Variants in FHIP1A observed in about 807,000 individuals in gnomAD.
The protein encoded by FHIP1A is FHF complex subunit HOOK interacting protein 1A.
In FHIP1A, 61 loss-of-function variants were observed where a neutral mutation model predicts 88.6. The ratio of observed to expected loss-of-function variants is 0.69; its 90% confidence interval spans 0.56 to 0.85. FHIP1A has a LOEUF of 0.85. Ranked by LOEUF, FHIP1A falls within the 40% of genes least tolerant of loss-of-function variation. The probability of loss-of-function intolerance (pLI) is 0.00; values close to 1 mark genes in which losing one functional copy is unlikely to be tolerated. For synonymous variants in FHIP1A, 478 were observed against 496.0 expected (o/e 0.96, Z 0.48); for missense variants, 1,154 against 1,273.5 (o/e 0.91, Z 1.43).
chr4:151,436,085 C>T (rs1240230932), intron 1 of FHIP1A, among the ~76,000 whole-genome samples: 1 of 152,102 alleles, frequency 6.6e-6, no homozygotes, highest in Non-Finnish European at 1.5e-5. Context: ...AGAAATGCAG[C>T]TATCTTAAAT....
chr4:151,525,272 C>T (rs1731587832), intron 3 of FHIP1A, among the ~76,000 whole-genome samples: 1 of 152,198 alleles, frequency 6.6e-6, no homozygotes, highest in South Asian at 2.1e-4. Context: ...ACTAAACTGG[C>T]TTTCACTCCA....
chr4:151,638,296 A>T (rs2126890156), intron 8 of FHIP1A, among the ~76,000 whole-genome samples: 1 of 142,128 alleles, frequency 7.0e-6, no homozygotes, highest in East Asian at 2.1e-4. Context: ...TCAGGAAAAC[A>T]AATTACCTAA....
At chr4:151,640,211 G>T (rs925895166) in intron 9 of FHIP1A, among the ~76,000 whole-genome samples, 2 of 152,216 alleles carry the variant, frequency 1.3e-5, no homozygotes, top group Admixed American at 1.3e-4. Context: ...GAGTGATGCC[G>T]TGCAGGCATA....
chr4:151,463,322 G>A (rs1729202085), intron 2 of FHIP1A, among the ~76,000 whole-genome samples: 2 of 152,160 alleles, frequency 1.3e-5, no homozygotes, highest in Non-Finnish European at 2.9e-5. Flanking sequence ...GCATTGGGGA[G>A]GGATGGTTGA....
intron 2 of FHIP1A, among the ~76,000 whole-genome samples, chr4:151,464,753 G>C (rs185297910): frequency 1.1e-3 from 170 of 152,314 alleles, no homozygotes; most frequent in African/African-American, 3.9e-3. Context: ...GAGTGACAGA[G>C]TGGTACTCAC....
chr4:151,421,067 T>A (rs917476685), intron 1 of FHIP1A, among the ~76,000 whole-genome samples: 3 of 152,254 alleles, frequency 2.0e-5, no homozygotes, highest in Admixed American at 1.3e-4. Context: ...TTTGCAACGA[T>A]TTTTGCTGTC....
intron 7 of FHIP1A, among the ~76,000 whole-genome samples, chr4:151,626,380 T>A (rs936858130): frequency 2.6e-5 from 4 of 152,172 alleles, no homozygotes; most frequent in Admixed American, 1.3e-4. Flanking sequence ...AAAGATTTAT[T>A]TCCAAGGATG....
At chr4:151,650,616 G>A in intron 11 of FHIP1A, 24 bp downstream of exon 11, 2 of 1,527,106 alleles carry the variant, frequency 1.3e-6, no homozygotes, top group Non-Finnish European at 1.8e-6. Flanking sequence ...ATTGCTTTGT[G>A]GTTTCTGCTT....
intron 11 of FHIP1A, among the ~76,000 whole-genome samples, chr4:151,654,993 A>G (rs1164875518): frequency 3.3e-5 from 5 of 152,128 alleles, no homozygotes; most frequent in Non-Finnish European, 7.3e-5. Context: ...CTGTGTGGTA[A>G]AGGTTTCGGT....
At chr4:151,652,970 G>A (rs920422467) in intron 11 of FHIP1A, among the ~76,000 whole-genome samples, 1 of 152,198 alleles carries the variant, frequency 6.6e-6, no homozygotes, top group Non-Finnish European at 1.5e-5. Context: ...ATCTGAAAAG[G>A]CCAGCTTTGG....
At chr4:151,431,321 T>C (rs984224146) in intron 1 of FHIP1A, among the ~76,000 whole-genome samples, 2 of 152,116 alleles carry the variant, frequency 1.3e-5, no homozygotes, top group Non-Finnish European at 2.9e-5. Flanking sequence ...CCAAATGCAA[T>C]TGTCCCCCAG....
Position 151,586,776 on chromosome 4 carries a change from G to C in FHIP1A, c.868G>C (p.Glu290Gln). ...TCTTGTCCAGTTCATGAACTCCCTG[G>C]AGTTTTGCAATGCAGTCATACAGGT... ...PSLVQFMNSLEFCNAVIQVAH... is the reference protein window; with the variant it reads ...PSLVQFMNSLQFCNAVIQVAH... The change falls in exon 6 of 14, where the codon GAG (glutamate) becomes CAG (glutamine). Residue 290 changes from glutamate to glutamine, a missense_variant. Coordinates refer to ENST00000435205, the MANE Select transcript of FHIP1A (RefSeq NM_001109977.3). The C allele has an allele frequency of 6.4e-7, 1 of 1,550,592 alleles. No homozygotes were observed. The highest frequency in any genetic ancestry group is 2.4e-5 in the East Asian group (1 of 40,908).
At chr4:151,566,664 C>T (rs1259987819) in intron 4 of FHIP1A, among the ~76,000 whole-genome samples, 1 of 152,046 alleles carries the variant, frequency 6.6e-6, no homozygotes, top group Non-Finnish European at 1.5e-5. Context: ...ATATACTTGA[C>T]CATAATTATA....
chr4:151,617,301 T>C (rs553366678), intron 7 of FHIP1A, among the ~76,000 whole-genome samples: 4 of 150,950 alleles, frequency 2.6e-5, no homozygotes, highest in Admixed American at 6.6e-5. Context: ...TTGGAAGTAG[T>C]AATTCATACT....
At chr4:151,531,043 G>A (rs1731860350) in intron 3 of FHIP1A, among the ~76,000 whole-genome samples, 1 of 151,996 alleles carries the variant, frequency 6.6e-6, no homozygotes, top group African/African-American at 2.4e-5. Flanking sequence ...TGGTCTTTTT[G>A]TTTATATTCT....
At chr4:151,643,651 C>T (rs1736679896) in intron 9 of FHIP1A, among the ~76,000 whole-genome samples, 1 of 152,170 alleles carries the variant, frequency 6.6e-6, no homozygotes, top group Admixed American at 6.5e-5. Flanking sequence ...ATGAGATTCA[C>T]TTTTGTAGCT....
Position 151,586,798 on chromosome 4 carries a change from A to G in FHIP1A, c.890A>G (p.Gln297Arg). The G allele has an allele frequency of 6.5e-7, 1 of 1,545,560 alleles. No homozygotes were observed. The highest frequency in any genetic ancestry group is 8.8e-7 in the Non-Finnish European group (1 of 1,142,080). The change falls in exon 6 of 14, where the codon CAG becomes CGG. Residue 297 changes from glutamine (Q) to arginine (R), a missense_variant and splice_region_variant. Coordinates refer to ENST00000435205, the MANE Select transcript of FHIP1A (RefSeq NM_001109977.3). ...NSLEFCNAVI[Q>R]VAHPLIRNQL... The stretch of plus-strand genomic sequence containing the variant: ...CTGGAGTTTTGCAATGCAGTCATAC[A>G]GGTACCAGAGCACAATAAAGGATCC...
chr4:151,501,816 T>A (rs1013693110), intron 3 of FHIP1A, among the ~76,000 whole-genome samples: 41 of 150,240 alleles, frequency 2.7e-4, no homozygotes, highest in South Asian at 6.3e-4. Context: ...TTTTTTTTTT[T>A]AAATATATTC....
intron 3 of FHIP1A, among the ~76,000 whole-genome samples, chr4:151,525,964 G>C (rs897739131): frequency 2.6e-5 from 4 of 151,732 alleles, no homozygotes; most frequent in East Asian, 1.9e-4. Flanking sequence ...TGACTCTTAA[G>C]GAGCATGCTG....
Sources: allele counts gnomAD v4.1 joint callset (sites outside exome capture counted in the v4.1 genomes callset), GRCh38; gene constraint gnomAD v4.1.1; transcripts MANE v1.5; gene names NCBI Gene and HGNC (gene_info 2026-07-23, HGNC 2026-07-21).